DLC1: variants seen among roughly 807,000 people sequenced by gnomAD.
DLC1 encodes rho GTPase-activating protein 7.
Under a neutral mutation model 140.3 loss-of-function variants are expected in DLC1, and 54 were observed. That is an observed-to-expected ratio of 0.38 (90% confidence interval 0.31 to 0.48). The LOEUF (loss-of-function observed/expected upper bound fraction) is 0.48. DLC1 is among the 20% of genes least tolerant of loss of function. The pLI, the probability that DLC1 is intolerant of heterozygous loss-of-function variation, is 0.96. For missense variants in DLC1, 2,536 were observed against 1,907.0 expected, an observed-to-expected ratio of 1.33 and a Z score of -6.14; for synonymous variants, 986 against 728.1, an observed-to-expected ratio of 1.35 and a Z score of -5.70.
In DLC1 at chr8:13,423,145, T is replaced by C. The variant is rs1452632689; in HGVS notation, c.1024-21526A>G. 2.6e-5 allele frequency among the ~76,000 whole-genome samples: 4 copies of C among 152,220 alleles called. No individual in the cohort carries two copies. The South Asian group carries it at 8.3e-4, about 31-fold the overall frequency. On this transcript the variant is annotated intron_variant, in intron 2 of 17. Transcript: ENST00000276297. ...TGAATTGATTTTTGCAGGTTTGCCTTGTCTACCAAGTTTGGCATGCATGTC... is the reference window on the plus strand; with the variant it reads ...TGAATTGATTTTTGCAGGTTTGCCTCGTCTACCAAGTTTGGCATGCATGTC...
intron 1 of DLC1, among the ~76,000 whole-genome samples, chr8:13,555,628 A>T (rs1315688404): frequency 6.6e-6 from 1 of 151,344 alleles, no homozygotes; most frequent in Non-Finnish European, 1.5e-5. Context: ...AGTAGCTGAG[A>T]CTACAGGTGC....
At chr8:13,406,006 CTTCT>C (rs1837536018) in intron 2 of DLC1, among the ~76,000 whole-genome samples, 1 of 72,530 alleles carries the variant, frequency 1.4e-5, no homozygotes, top group African/African-American at 5.6e-5. Context: ...CTTTATTCTT[CTTCT>C]TTTTTTTTTT....
intron 4 of DLC1, among the ~76,000 whole-genome samples, chr8:13,348,510 G>T (rs1240282623): frequency 1.3e-5 from 2 of 152,168 alleles, no homozygotes; most frequent in Non-Finnish European, 2.9e-5. Context: ...AACTGGAAAG[G>T]ATACCAGTTA....
intron 1 of DLC1, among the ~76,000 whole-genome samples, chr8:13,572,302 G>T (rs888242759): frequency 1.3e-5 from 2 of 152,046 alleles, no homozygotes; most frequent in African/African-American, 4.8e-5. Context: ...TGTTAGCCAG[G>T]ATGGTCTCGA....
intron 5 of DLC1, among the ~76,000 whole-genome samples, chr8:13,154,986 C>T (rs1048747511): frequency 2.6e-5 from 4 of 152,038 alleles, no homozygotes; most frequent in African/African-American, 7.2e-5. Flanking sequence ...GTGAAACTTT[C>T]GTATATGAGG....
At chr8:13,236,870 T>C (rs926038537) in intron 5 of DLC1, among the ~76,000 whole-genome samples, 2 of 152,094 alleles carry the variant, frequency 1.3e-5, no homozygotes, top group African/African-American at 2.4e-5. Context: ...TATAGCTAGG[T>C]GTTCCTGGCT....
At chr8:13,236,817 G>A (rs1829302446) in intron 5 of DLC1, among the ~76,000 whole-genome samples, 1 of 152,178 alleles carries the variant, frequency 6.6e-6, no homozygotes, top group Non-Finnish European at 1.5e-5. Context: ...GGGTGAATTT[G>A]CTACTTGCCC....
intron 16 of DLC1, 61 bp downstream of exon 16, chr8:13,088,426 A>G (rs1195638260): frequency 1.3e-6 from 2 of 1,556,148 alleles, no homozygotes; most frequent in Non-Finnish European, 1.8e-6. Flanking sequence ...TCAGTGACAT[A>G]TAGGCTTGGT....
chr8:13,143,813 T>TGAGAGAGAGAGA (rs35079610), intron 5 of DLC1, among the ~76,000 whole-genome samples: 1,455 of 128,590 alleles, frequency 0.011, 31 homozygotes, highest in Admixed American at 0.017. Context: ...AATGAAAAGC[T>TGAGAGAGAGAGA]GAGAGAGAGA....
chr8:13,412,030 C>G (rs867990801), intron 2 of DLC1, among the ~76,000 whole-genome samples: 1 of 151,800 alleles, frequency 6.6e-6, no homozygotes, highest in Non-Finnish European at 1.5e-5. Flanking sequence ...AAAGTGTCCA[C>G]AAAGAAAAGA....
At chr8:13,213,724 A>C (rs1043844386) in intron 5 of DLC1, among the ~76,000 whole-genome samples, 13 of 151,964 alleles carry the variant, frequency 8.6e-5, no homozygotes, top group Admixed American at 6.6e-5. Context: ...ATTTCAAACC[A>C]ATGCTTAATG....
At chr8:13,478,197 T>C (rs954123467) in intron 2 of DLC1, among the ~76,000 whole-genome samples, 2 of 152,254 alleles carry the variant, frequency 1.3e-5, no homozygotes, top group East Asian at 3.9e-4. Context: ...CTTACAATCA[T>C]GGTGGAAAGT....
chr8:13,410,034 C>T (rs900353633), intron 2 of DLC1, among the ~76,000 whole-genome samples: 4 of 151,966 alleles, frequency 2.6e-5, no homozygotes, highest in Admixed American at 2.6e-4. Context: ...AGAGTCTCAC[C>T]TAGGGTAATT....
chr8:13,494,315 T>C (rs1195577950), intron 2 of DLC1, among the ~76,000 whole-genome samples: 1 of 152,224 alleles, frequency 6.6e-6, no homozygotes, highest in Non-Finnish European at 1.5e-5. Context: ...AGCAAACATA[T>C]GCTTGTCCAG....
intron 1 of DLC1, among the ~76,000 whole-genome samples, chr8:13,565,795 C>A (rs979300584): frequency 6.6e-6 from 1 of 152,122 alleles, no homozygotes; most frequent in Admixed American, 6.5e-5. Flanking sequence ...CTATTATAAC[C>A]TAGGAAAAGT....
intron 1 of DLC1, among the ~76,000 whole-genome samples, chr8:13,554,433 A>G (rs1037917234): frequency 1.3e-5 from 2 of 152,124 alleles, no homozygotes; most frequent in Non-Finnish European, 2.9e-5. Flanking sequence ...AGACTTATGT[A>G]CTGAAATACC....
intron 2 of DLC1, among the ~76,000 whole-genome samples, chr8:13,457,535 G>T (rs1017274944): frequency 6.6e-6 from 1 of 151,744 alleles, no homozygotes; most frequent in African/African-American, 2.4e-5. Context: ...AAATTAGCCG[G>T]GTGTGGTGAT....
At chr8:13,580,414 C>G (rs1172410077) in intron 1 of DLC1, among the ~76,000 whole-genome samples, 1 of 152,206 alleles carries the variant, frequency 6.6e-6, no homozygotes, top group Non-Finnish European at 1.5e-5. Context: ...AGCCACCGCG[C>G]CCGGCAGGTT....
chr8:13,216,011 C>T (rs1265779896), intron 5 of DLC1, among the ~76,000 whole-genome samples: 1 of 152,114 alleles, frequency 6.6e-6, no homozygotes, highest in Non-Finnish European at 1.5e-5. Context: ...ATTTTTCTAA[C>T]TCCATTCTCT....
Sources: allele counts gnomAD v4.1 joint callset (sites outside exome capture counted in the v4.1 genomes callset), GRCh38; gene constraint gnomAD v4.1.1; transcripts MANE v1.5; gene names NCBI Gene and HGNC (gene_info 2026-07-23, HGNC 2026-07-21).